The following DOK6 variants were observed in gnomAD, a reference collection of about 807,000 sequenced individuals.
DOK6 encodes downstream of tyrosine kinase 6.
Under a neutral mutation model 44.0 loss-of-function variants are expected in DOK6, and 22 were observed. The ratio of observed to expected loss-of-function variants is 0.50; its 90% CI spans 0.36 to 0.71. DOK6 has a LOEUF of 0.71. Among genes scored for constraint, DOK6 ranks in the 30% least tolerant of loss-of-function variants. The pLI, the probability that DOK6 is intolerant of heterozygous loss-of-function variation, is 0.00. For missense variants in DOK6, 340 were observed against 416.4 expected (o/e 0.82, Z 1.60); for synonymous variants, 166 against 145.5 (o/e 1.14, Z -1.01).
chr18:69,821,389 A>G (rs1981564941), intron 7 of DOK6, among the ~76,000 whole-genome samples: 1 of 152,188 alleles, frequency 6.6e-6, no homozygotes, highest in South Asian at 2.1e-4. Flanking sequence ...GTGGCAGTGA[A>G]GGGAATAAAA....
intron 1 of DOK6, among the ~76,000 whole-genome samples, chr18:69,470,510 C>T (rs1048023220): frequency 6.6e-6 from 1 of 152,066 alleles, no homozygotes; most frequent in Non-Finnish European, 1.5e-5. Context: ...CTGAGGATGC[C>T]CTGGCCCTCC....
At chr18:69,482,299 A>C (rs1980448200) in intron 1 of DOK6, among the ~76,000 whole-genome samples, 2 of 152,154 alleles carry the variant, frequency 1.3e-5, no homozygotes, top group Admixed American at 6.5e-5. Flanking sequence ...GTCCTTGCCC[A>C]TGCCTATGTC....
At chr18:69,593,721 CA>C (rs1037093080) in intron 2 of DOK6, among the ~76,000 whole-genome samples, 3 of 151,784 alleles carry the variant, frequency 2.0e-5, no homozygotes, top group African/African-American at 7.3e-5. Flanking sequence ...TATAAGAGGA[CA>C]AAAAAATAGA....
At chr18:69,801,939 T>C (rs1019136294) in intron 7 of DOK6, among the ~76,000 whole-genome samples, 14 of 152,136 alleles carry the variant, frequency 9.2e-5, no homozygotes, top group South Asian at 4.1e-4. Flanking sequence ...TAAATAACAT[T>C]GGCAAAGGAA....
intron 1 of DOK6, among the ~76,000 whole-genome samples, chr18:69,550,181 G>A (rs753179950): frequency 2.2e-4 from 32 of 143,430 alleles, no homozygotes; most frequent in East Asian, 5.9e-4. Context: ...CCTCTTCTGC[G>A]TCTACAAAAT....
chr18:69,777,089 G>A (rs998661308), intron 7 of DOK6, among the ~76,000 whole-genome samples: 23 of 150,770 alleles, frequency 1.5e-4, no homozygotes, highest in East Asian at 1.2e-3. Context: ...ACATGTATAC[G>A]TATATAACTA....
chr18:69,602,748 T>G (rs538827965), intron 3 of DOK6, among the ~76,000 whole-genome samples: 1 of 152,162 alleles, frequency 6.6e-6, no homozygotes, highest in African/African-American at 2.4e-5. Flanking sequence ...TTAAAAATAA[T>G]GTGGAAGTGA....
At chr18:69,489,812 A>G (rs1404092562) in intron 1 of DOK6, among the ~76,000 whole-genome samples, 3 of 151,996 alleles carry the variant, frequency 2.0e-5, no homozygotes, top group Non-Finnish European at 2.9e-5. Flanking sequence ...ACAAGTTAAT[A>G]TTTCTTTAGA....
intron 7 of DOK6, among the ~76,000 whole-genome samples, chr18:69,788,220 A>G (rs952223379): frequency 3.3e-5 from 5 of 152,182 alleles, no homozygotes; most frequent in Admixed American, 6.5e-5. Context: ...TCAGTGCCCT[A>G]AAGTTCTCCT....
At chr18:69,473,337 C>G (rs1980169302) in intron 1 of DOK6, among the ~76,000 whole-genome samples, 1 of 152,056 alleles carries the variant, frequency 6.6e-6, no homozygotes, top group South Asian at 2.1e-4. Flanking sequence ...TATGGCAACC[C>G]TAATTTTTAA....
At chr18:69,617,241 G>A (rs1325085970) in intron 3 of DOK6, among the ~76,000 whole-genome samples, 5 of 152,018 alleles carry the variant, frequency 3.3e-5, no homozygotes, top group Admixed American at 3.3e-4. Context: ...GATAGAGTGA[G>A]CCCAAGAGGT....
At chr18:69,704,796 T>A (rs1167192501) in intron 5 of DOK6, among the ~76,000 whole-genome samples, 2 of 152,116 alleles carry the variant, frequency 1.3e-5, no homozygotes, top group African/African-American at 4.8e-5. Context: ...CTTCTTATAG[T>A]TCCAAAAGAA....
intron 5 of DOK6, among the ~76,000 whole-genome samples, chr18:69,727,327 G>A (rs1978314890): frequency 6.6e-6 from 1 of 152,202 alleles, no homozygotes; most frequent in Non-Finnish European, 1.5e-5. Context: ...GTTTTGTGAA[G>A]TGGCTGAAAT....
intron 5 of DOK6, among the ~76,000 whole-genome samples, chr18:69,703,595 C>T (rs1166831899): frequency 6.6e-6 from 1 of 152,176 alleles, no homozygotes; most frequent in African/African-American, 2.4e-5. Context: ...GATTTATTTC[C>T]CACTCAAGCT....
intron 5 of DOK6, among the ~76,000 whole-genome samples, chr18:69,719,986 T>A (rs963474765): frequency 9.2e-5 from 14 of 152,236 alleles, no homozygotes; most frequent in African/African-American, 3.1e-4. Flanking sequence ...GGTCAAGAGT[T>A]CGAGACCACC....
chr18:69,771,874 C>G (rs575962173), intron 7 of DOK6, among the ~76,000 whole-genome samples: 7 of 151,398 alleles, frequency 4.6e-5, no homozygotes, highest in Admixed American at 2.0e-4. Context: ...AATTTCAGAC[C>G]TTGATGAATG....
intron 1 of DOK6, among the ~76,000 whole-genome samples, chr18:69,495,803 C>T (rs1383152334): frequency 6.6e-6 from 1 of 152,222 alleles, no homozygotes; most frequent in Non-Finnish European, 1.5e-5. Flanking sequence ...ACCCCCTCAA[C>T]TTCCCTCCTA....
chr18:69,486,089 A>T (rs972336916), intron 1 of DOK6, among the ~76,000 whole-genome samples: 1 of 151,666 alleles, frequency 6.6e-6, no homozygotes, highest in Admixed American at 6.6e-5. Flanking sequence ...ATAGGTAAAA[A>T]GGTTTCAGTT....
intron 2 of DOK6, among the ~76,000 whole-genome samples, chr18:69,569,617 C>G (rs1184408738): frequency 6.6e-6 from 1 of 152,302 alleles, no homozygotes; most frequent in South Asian, 2.1e-4. Context: ...GGATTTAAAA[C>G]CAGCTATTAT....
Sources: allele counts gnomAD v4.1 joint callset (sites outside exome capture counted in the v4.1 genomes callset), GRCh38; gene constraint gnomAD v4.1.1; transcripts MANE v1.5; gene names NCBI Gene and HGNC (gene_info 2026-07-23, HGNC 2026-07-21).